Variants in OSBPL8 observed in about 807,000 individuals in gnomAD.
OSBPL8 encodes the protein oxysterol-binding protein-related protein 8.
In OSBPL8, 59 loss-of-function variants were observed where a neutral mutation model predicts 125.5. That is an observed-to-expected ratio of 0.47 (90% CI 0.38 to 0.58). The LOEUF (loss-of-function observed/expected upper bound fraction) is 0.58, where lower values mean the gene tolerates loss of function less well. Ranked by LOEUF, OSBPL8 falls within the 20% of genes least tolerant of loss-of-function variation. The pLI, the probability that OSBPL8 is intolerant of heterozygous loss-of-function variation, is 0.00. For missense variants in OSBPL8, 758 were observed against 1,047.8 expected (o/e 0.72, Z 3.82); for synonymous variants, 330 against 338.9 (o/e 0.97, Z 0.29).
intron 1 of OSBPL8, among the ~76,000 whole-genome samples, chr12:76,524,890 G>A (rs1320431404): frequency 1.3e-5 from 2 of 151,944 alleles, no homozygotes; most frequent in Non-Finnish European, 2.9e-5. Context: ...CGTCATGTTG[G>A]CCAGGCTGGT....
chr12:76,436,521 A>T lies in OSBPL8; in HGVS notation c.217+14330T>A, dbSNP rs1871470107. On this transcript the variant is annotated intron_variant, in intron 4 of 23. Coordinates refer to ENST00000261183, the MANE Select transcript of OSBPL8 (RefSeq NM_020841.5). ...GTCTTAATAAGACACATTCAAAAAAAAAAGAAAACAAACCTGTAACTACTC... is the reference window on the plus strand; with the variant it reads ...GTCTTAATAAGACACATTCAAAAAATAAAGAAAACAAACCTGTAACTACTC... 2.0e-5 allele frequency among the ~76,000 whole-genome samples: 3 copies of T among 152,244 alleles called. No homozygotes were observed. In the South Asian group the frequency reaches 6.2e-4, roughly 32 times the overall value.
rs975852899 is a variant in OSBPL8 at position 76,426,837 on chromosome 12, C to T, written c.218-16203G>A. Among the ~76,000 whole-genome samples the T allele has an allele frequency of 5.9e-5, 9 of 152,156 alleles. No homozygotes were observed. The South Asian group carries it at 1.0e-3, about 18-fold the overall frequency. On this transcript the variant is annotated intron_variant, in intron 4 of 23. Transcript: ENST00000261183. ...TCTTAATTCAACAGTTCAGAAAAGG[C>T]AGATAAGAAAAACAAAATATTACTA...
At chr12:76,535,015 T>C (rs1485334154) in intron 1 of OSBPL8, among the ~76,000 whole-genome samples, 1 of 151,724 alleles carries the variant, frequency 6.6e-6, no homozygotes, top group Non-Finnish European at 1.5e-5. Flanking sequence ...CAAATCTAAA[T>C]ACAAAAGCCA....
intron 1 of OSBPL8, among the ~76,000 whole-genome samples, chr12:76,508,495 ACTGGGTAAAATAAGG>A (rs1880650628): frequency 6.6e-6 from 1 of 152,114 alleles, no homozygotes; most frequent in Admixed American, 6.5e-5. Context: ...TTGAATAGGG[ACTGGGTAAAATAAGG>A]CTGAGGCCTA....
chr12:76,504,358 T>C lies in OSBPL8; in HGVS notation c.-67-16740A>G, dbSNP rs1335163226. Among the ~76,000 whole-genome samples, 4 of 152,340 alleles carry C rather than the reference T, an allele frequency of 2.6e-5. No homozygotes were observed. The East Asian group carries it at 7.7e-4, about 29-fold the overall frequency. ...GGTATAAATAAATTTATTTTATCATTCATTCTGTGCTCTCCTCTGTATCAT... is the reference window on the plus strand; with the variant it reads ...GGTATAAATAAATTTATTTTATCATCCATTCTGTGCTCTCCTCTGTATCAT... On this transcript the variant is annotated intron_variant, in intron 1 of 23. Transcript: ENST00000261183.
intron 1 of OSBPL8, among the ~76,000 whole-genome samples, chr12:76,531,179 C>G (rs987269777): frequency 1.3e-5 from 2 of 152,126 alleles, no homozygotes; most frequent in African/African-American, 2.4e-5. Flanking sequence ...GAAGAGTGAG[C>G]AAGAGCAGGG....
Position 76,558,336 on chromosome 12 carries a change from T to A in OSBPL8, c.-68+1061A>T, listed in dbSNP as rs139533440. ...AAGTTTAGATGAAACTCTAGGAAAT[T>A]AGCAAAATTTAACAATCAATTCACC... On this transcript the variant is annotated intron_variant, in intron 1 of 23. Coordinates refer to ENST00000261183, the MANE Select transcript of OSBPL8 (RefSeq NM_020841.5). Among the ~76,000 whole-genome samples, 58 of 152,248 alleles carry A rather than the reference T, an allele frequency of 3.8e-4. No homozygotes were observed. In the East Asian group the frequency reaches 0.01, roughly 27 times the overall value.
intron 4 of OSBPL8, among the ~76,000 whole-genome samples, chr12:76,411,901 T>G (rs1018320093): frequency 1.3e-5 from 2 of 152,090 alleles, no homozygotes; most frequent in Non-Finnish European, 2.9e-5. Flanking sequence ...ATAGAGCAAC[T>G]GAAACTCTGT....
intron 8 of OSBPL8, among the ~76,000 whole-genome samples, chr12:76,395,517 G>A (rs1392281285): frequency 2.6e-5 from 4 of 151,636 alleles, no homozygotes; most frequent in African/African-American, 9.7e-5. Context: ...AACGAAAACA[G>A]AAAAAAAATT....
chr12:76,489,563 T>G (rs1002543547), intron 1 of OSBPL8, among the ~76,000 whole-genome samples: 1 of 152,384 alleles, frequency 6.6e-6, no homozygotes, highest in African/African-American at 2.4e-5. Flanking sequence ...ATAGCACATC[T>G]GTTTACAGCA....
At chr12:76,438,831 C>T (rs1048214725) in intron 4 of OSBPL8, among the ~76,000 whole-genome samples, 2 of 152,182 alleles carry the variant, frequency 1.3e-5, no homozygotes, top group African/African-American at 2.4e-5. Flanking sequence ...GATGTGAGTA[C>T]AATGTTTACC....
At chr12:76,512,437 A>G (rs1592824051) in intron 1 of OSBPL8, among the ~76,000 whole-genome samples, 1 of 152,192 alleles carries the variant, frequency 6.6e-6, no homozygotes, top group African/African-American at 2.4e-5. Flanking sequence ...TTTATTGAAT[A>G]TAAAGTCTTT....
chr12:76,508,019 A>G (rs1457092828), intron 1 of OSBPL8, among the ~76,000 whole-genome samples: 3 of 148,592 alleles, frequency 2.0e-5, no homozygotes, highest in Non-Finnish European at 4.4e-5. Context: ...AAAAATACAA[A>G]AATTAGCTGG....
At chr12:76,529,421 C>A (rs934197321) in intron 1 of OSBPL8, among the ~76,000 whole-genome samples, 1 of 151,760 alleles carries the variant, frequency 6.6e-6, no homozygotes, top group African/African-American at 2.4e-5. Flanking sequence ...CGAAACCCAG[C>A]TGAAACCTTT....
intron 15 of OSBPL8, among the ~76,000 whole-genome samples, chr12:76,379,481 T>C (rs1052586012): frequency 4.6e-5 from 7 of 152,174 alleles, no homozygotes; most frequent in African/African-American, 1.4e-4. Context: ...AATCAAGATA[T>C]AGAACTTCCC....
intron 1 of OSBPL8, among the ~76,000 whole-genome samples, chr12:76,531,115 A>G (rs1307584226): frequency 6.6e-6 from 1 of 152,206 alleles, no homozygotes; most frequent in Non-Finnish European, 1.5e-5. Flanking sequence ...ACTTACAATC[A>G]TGGCAGAAGG....
chr12:76,515,257 T>C (rs780198757), intron 1 of OSBPL8, among the ~76,000 whole-genome samples: 7 of 152,198 alleles, frequency 4.6e-5, no homozygotes, highest in Admixed American at 1.3e-4. Context: ...AGTTCTTGTA[T>C]TGGTTCTTTC....
intron 4 of OSBPL8, among the ~76,000 whole-genome samples, chr12:76,416,885 T>C (rs1034452732): frequency 1.3e-5 from 2 of 152,180 alleles, no homozygotes; most frequent in Non-Finnish European, 2.9e-5. Flanking sequence ...CTATTTATTA[T>C]AAACTAGTTA....
intron 22 of OSBPL8, among the ~76,000 whole-genome samples, chr12:76,358,175 CTTT>C (rs60714321): frequency 2.0e-5 from 2 of 100,182 alleles, no homozygotes; most frequent in Admixed American, 1.2e-4. Context: ...GAGTGTGGTT[CTTT>C]TTTTTTTTTT....
Sources: gnomAD v4.1 joint callset for allele counts (sites outside exome capture counted in the v4.1 genomes callset) on GRCh38, gnomAD v4.1.1 for gene constraint, MANE v1.5 for transcripts, NCBI Gene and HGNC (gene_info 2026-07-23, HGNC 2026-07-21) for gene names.